NRXN3: variants seen among roughly 807,000 people sequenced by gnomAD.
NRXN3 encodes neurexin III.
NRXN3 carries 32 observed loss-of-function variants against 137.6 expected under a neutral mutation model. The ratio of observed to expected loss-of-function variants is 0.23; its 90% CI spans 0.18 to 0.31. NRXN3 has a LOEUF of 0.31. Ranked by LOEUF, NRXN3 falls within the 10% of genes least tolerant of loss-of-function variation. The pLI, the probability that NRXN3 is intolerant of heterozygous loss-of-function variation, is 1.00. For synonymous variants in NRXN3, 798 were observed against 784.5 expected (o/e 1.02, Z -0.29); for missense variants, 1,574 against 2,062.5 (o/e 0.76, Z 4.59).
chr14:79,660,973 A>T (rs953394261), intron 16 of NRXN3, among the ~76,000 whole-genome samples: 7 of 152,138 alleles, frequency 4.6e-5, no homozygotes, highest in African/African-American at 1.7e-4. Context: ...TGACACACAC[A>T]CACCCTTAGA....
intron 15 of NRXN3, among the ~76,000 whole-genome samples, chr14:79,123,566 A>G (rs1389114164): frequency 6.6e-6 from 1 of 152,198 alleles, no homozygotes; most frequent in Non-Finnish European, 1.5e-5. Context: ...GACTGAGAGT[A>G]TTGAGATGGA....
chr14:79,747,384 G>A (rs1165164658), intron 19 of NRXN3, among the ~76,000 whole-genome samples: 1 of 152,054 alleles, frequency 6.6e-6, no homozygotes, highest in African/African-American at 2.4e-5. Context: ...TTGGAAAAAA[G>A]TAGATTGGAA....
At chr14:79,048,870 A>T (rs1365511824) in intron 15 of NRXN3, among the ~76,000 whole-genome samples, 1 of 148,886 alleles carries the variant, frequency 6.7e-6, no homozygotes, top group African/African-American at 2.5e-5. Flanking sequence ...TAAAAATACA[A>T]AAATTAGCCG....
intron 15 of NRXN3, among the ~76,000 whole-genome samples, chr14:79,065,351 A>C (rs570745034): frequency 1.3e-5 from 2 of 152,144 alleles, no homozygotes; most frequent in Non-Finnish European, 2.9e-5. Flanking sequence ...CACTTACTTC[A>C]TAAAGGCATG....
chr14:79,614,517 G>T (rs762485989), intron 16 of NRXN3, among the ~76,000 whole-genome samples: 1 of 152,060 alleles, frequency 6.6e-6, no homozygotes, highest in African/African-American at 2.4e-5. Context: ...ATCTACCGCC[G>T]AATATAGATC....
chr14:79,433,848 G>C (rs1434503897), intron 15 of NRXN3, among the ~76,000 whole-genome samples: 1 of 152,212 alleles, frequency 6.6e-6, no homozygotes, highest in Non-Finnish European at 1.5e-5. Flanking sequence ...CTTTAACTGT[G>C]TGTTTAATTA....
At chr14:79,435,778 G>A (rs115240599) in intron 15 of NRXN3, among the ~76,000 whole-genome samples, 4,291 of 152,124 alleles carry the variant, frequency 0.028, 202 homozygotes, top group African/African-American at 0.098. Flanking sequence ...GGGACTATAG[G>A]CATGGACCAT....
At chr14:78,529,018 C>T (rs1316334769) in intron 4 of NRXN3, among the ~76,000 whole-genome samples, 1 of 152,130 alleles carries the variant, frequency 6.6e-6, no homozygotes, top group African/African-American at 2.4e-5. Flanking sequence ...CCTAAGATCA[C>T]AAAGCCAGCA....
chr14:78,907,038 G>T (rs1013447355), intron 10 of NRXN3, among the ~76,000 whole-genome samples: 1 of 152,012 alleles, frequency 6.6e-6, no homozygotes, highest in African/African-American at 2.4e-5. Context: ...GGAAAACAGT[G>T]CTGGGCAGAC....
At chr14:78,668,930 ATCTGTCTG>A (rs58936637) in intron 6 of NRXN3, among the ~76,000 whole-genome samples, 5 of 149,394 alleles carry the variant, frequency 3.3e-5, no homozygotes, top group South Asian at 2.1e-4. Flanking sequence ...CTATCTATCT[ATCTGTCTG>A]TCTGTCTGTC....
chr14:79,303,689 A>G (rs1653669633), intron 15 of NRXN3, among the ~76,000 whole-genome samples: 2 of 152,094 alleles, frequency 1.3e-5, no homozygotes, highest in Admixed American at 1.3e-4. Context: ...CACACCAGAA[A>G]GATCTCCATT....
At chr14:79,128,777 G>T (rs1032896796) in intron 15 of NRXN3, among the ~76,000 whole-genome samples, 2 of 151,966 alleles carry the variant, frequency 1.3e-5, no homozygotes, top group Non-Finnish European at 2.9e-5. Context: ...TGTACCTCTG[G>T]TAGAATTCGG....
At chr14:79,727,510 T>C (rs1375944136) in intron 19 of NRXN3, among the ~76,000 whole-genome samples, 1 of 152,158 alleles carries the variant, frequency 6.6e-6, no homozygotes, top group Admixed American at 6.5e-5. Context: ...AGAGTTTGCA[T>C]GCCTGGCCCA....
intron 20 of NRXN3, among the ~76,000 whole-genome samples, chr14:79,844,834 G>A (rs1193964646): frequency 6.6e-6 from 1 of 152,158 alleles, no homozygotes; most frequent in African/African-American, 2.4e-5. Flanking sequence ...GTTCTTTGAA[G>A]CTTTGAAGCC....
chr14:78,401,644 G>C, intron 4 of NRXN3, among the ~76,000 whole-genome samples: 1 of 152,182 alleles, frequency 6.6e-6, no homozygotes, highest in East Asian at 1.9e-4. Flanking sequence ...ATTTTGGAAG[G>C]GACATAAACA....
chr14:79,757,012 G>A (rs530151430), intron 19 of NRXN3, among the ~76,000 whole-genome samples: 21 of 152,240 alleles, frequency 1.4e-4, no homozygotes, highest in East Asian at 3.9e-4. Flanking sequence ...TTGTTGGAAC[G>A]CCAAATTAGT....
intron 15 of NRXN3, among the ~76,000 whole-genome samples, chr14:79,443,180 T>C (rs1011876845): frequency 1.3e-5 from 2 of 152,252 alleles, no homozygotes; most frequent in African/African-American, 2.4e-5. Context: ...TTAGAGTTCA[T>C]GTATTTGACT....
intron 10 of NRXN3, among the ~76,000 whole-genome samples, chr14:78,839,088 G>A (rs2099005063): frequency 1.3e-5 from 2 of 152,126 alleles, no homozygotes; most frequent in African/African-American, 4.8e-5. Flanking sequence ...TAAAATAAAT[G>A]TACTGGTGCA....
In NRXN3 at chr14:79,170,751, C is replaced by A. The variant is rs1198562025; in HGVS notation, c.3262+182610C>A. Among the ~76,000 whole-genome samples the A allele has an allele frequency of 3.3e-5, 5 of 152,142 alleles. No individual in the cohort carries two copies. In the East Asian group the frequency reaches 9.7e-4, roughly 29 times the overall value. The stretch of plus-strand genomic sequence containing the variant: ...ATCTAGCTATTTTAGTGTACCAAAT[C>A]TCTTAAAAGGACCTGTATTCATTGT... On this transcript the variant is annotated intron_variant, in intron 15 of 20. Coordinates refer to ENST00000335750, the MANE Select transcript of NRXN3 (RefSeq NM_001330195.2).
Sources: allele counts gnomAD v4.1 joint callset (sites outside exome capture counted in the v4.1 genomes callset), GRCh38; gene constraint gnomAD v4.1.1; transcripts MANE v1.5; gene names NCBI Gene and HGNC (gene_info 2026-07-23, HGNC 2026-07-21).